Variants in ANGPTL1 observed in about 807,000 individuals in gnomAD.
The protein encoded by ANGPTL1 is angiopoietin-related protein 1.
ANGPTL1 carries 36 observed loss-of-function variants against 46.7 expected under a neutral mutation model. That is an observed-to-expected ratio of 0.77 (90% CI 0.59 to 1.02). The LOEUF (loss-of-function observed/expected upper bound fraction) is 1.02, where lower values mean the gene tolerates loss of function less well. Ranked by LOEUF, ANGPTL1 falls within the 50% of genes least tolerant of loss-of-function variation. ANGPTL1 has a pLI of 0.00. For synonymous variants in ANGPTL1, 221 were observed against 204.3 expected (o/e 1.08, Z -0.69); for missense variants, 571 against 594.7 (o/e 0.96, Z 0.41).
Position 178,865,664 on chromosome 1 carries a change from C to G in ANGPTL1, c.113G>C (p.Arg38Pro), listed in dbSNP as rs148415335. Reference protein sequence around the residue: ...IKKINQRRYPRATDGKEEAKK... With the variant: ...IKKINQRRYPPATDGKEEAKK... ...TGCTTCCTCTTTACCATCTGTGGCA[C>G]GAGGGTATCTTCTCTGGTTTATTTT... is the stretch of plus-strand genomic sequence containing the variant. Residue 38 changes from arginine to proline, a missense_variant, in exon 3 of 6, where the codon CGT (arginine) becomes CCT (proline). Transcript: ENST00000234816. 1.2e-6 allele frequency: 2 copies of G among 1,613,812 alleles called. No homozygotes were observed. The highest frequency in any genetic ancestry group is 1.7e-6 in the Non-Finnish European group (2 of 1,179,936).
chr1:178,866,379 C>G (rs923558485), intron 2 of ANGPTL1, among the ~76,000 whole-genome samples: 1 of 151,936 alleles, frequency 6.6e-6, no homozygotes, highest in African/African-American at 2.4e-5. Flanking sequence ...AAATCTAAAC[C>G]CAGATAGTTT....
chr1:178,859,100 T>C (rs1657783948), intron 3 of ANGPTL1, among the ~76,000 whole-genome samples: 1 of 151,932 alleles, frequency 6.6e-6, no homozygotes, highest in African/African-American at 2.4e-5. Context: ...AATTACTTAG[T>C]TTATTAATCT....
At chr1:178,858,170 T>G (rs1657721569) in intron 3 of ANGPTL1, among the ~76,000 whole-genome samples, 1 of 152,144 alleles carries the variant, frequency 6.6e-6, no homozygotes, top group African/African-American at 2.4e-5. Context: ...CAGAATTCAA[T>G]ATTTATTTGT....
intron 2 of ANGPTL1, 101 bp from the exon 3 acceptor site, chr1:178,865,903 ATATT>A (rs1214371741): frequency 7.4e-6 from 5 of 676,970 alleles, no homozygotes; most frequent in Middle Eastern, 3.2e-4. Flanking sequence ...GAAAAACTGA[ATATT>A]TATTGGTGTT....
intron 3 of ANGPTL1, among the ~76,000 whole-genome samples, chr1:178,856,202 GATATATATATAT>G (rs55797277): frequency 1.9e-4 from 16 of 83,910 alleles, no homozygotes; most frequent in African/African-American, 5.8e-4. Flanking sequence ...GAGAGAGAGA[GATATATATATAT>G]ATATATATAT....
rs1386024514 is a variant in ANGPTL1, at chr1:178,865,376, T to C, written c.401A>G (p.Tyr134Cys). ...RNMNSRVTQL[Y>C]MQLLHEIIRK... ...GATAATCTCATGTAATAATTGCATA[T>C]AGAGTTGAGTAACACGAGAGTTCAT... The change falls in exon 3 of 6, where the codon TAT becomes TGT. Residue 134 changes from tyrosine (Y) to cysteine (C), a missense_variant. Tyr to Cys is a radical substitution (Grantham distance 194). Coordinates refer to ENST00000234816, the MANE Select transcript of ANGPTL1 (RefSeq NM_004673.4). 1 of 1,614,084 alleles carries C rather than the reference T, an allele frequency of 6.2e-7. No individual in the cohort carries two copies. The highest frequency in any genetic ancestry group is 8.5e-7 in the Non-Finnish European group (1 of 1,180,000).
rs767252550 is a variant in ANGPTL1, at chr1:178,852,863, C to T, written c.1108G>A (p.Glu370Lys). The change falls in exon 5 of 6, where the codon GAA becomes AAA. Residue 370 changes from glutamate (E) to lysine (K), a missense_variant. Coordinates refer to ENST00000234816, the MANE Select transcript of ANGPTL1 (RefSeq NM_004673.4). ...TTTTTATCACTCCAGTCTTCTAATT[C>T]AATCAATAACTTGTAATTATCTTGA... ...SNQDNYKLLI[E>K]LEDWSDKKVY... 6.2e-7 allele frequency: 1 copy of T among 1,613,892 alleles called. No homozygotes were observed. The highest frequency in any genetic ancestry group is 8.5e-7 in the Non-Finnish European group (1 of 1,179,832).
rs190532007 is a variant in ANGPTL1, at chr1:178,851,123, C to T, written c.*6G>A. 4.4e-6 allele frequency: 7 copies of T among 1,608,896 alleles called. No homozygotes were observed. In the East Asian group the frequency reaches 1.6e-4, roughly 36 times the overall value. On this transcript the variant is annotated 3_prime_UTR_variant, in exon 6 of 6. Transcript: ENST00000234816. ...CTGTGTCATTTAAATTGGCGAGTGTCTCTCTTCAGTCAATAGGCTTGATCA... is the reference window on the plus strand; with the variant it reads ...CTGTGTCATTTAAATTGGCGAGTGTTTCTCTTCAGTCAATAGGCTTGATCA...
chr1:178,863,483 A>G (rs569692418), intron 3 of ANGPTL1, among the ~76,000 whole-genome samples: 1 of 152,386 alleles, frequency 6.6e-6, no homozygotes, highest in Non-Finnish European at 1.5e-5. Context: ...GTTTGTTTGA[A>G]TCTAGGAAGT....
At position 178,867,169 on chromosome 1, in the gene ANGPTL1, G is replaced by A. The variant is rs79390024; in HGVS notation, c.-26-1367C>T. 6.0e-3 allele frequency among the ~76,000 whole-genome samples: 913 copies of A among 152,228 alleles called. 15 individuals are homozygous for A. Among genetic ancestry groups the A allele is most frequent in the African/African-American group, 0.021 (882 of 41,554 alleles). ...TGTTGTTAATAACAACACAATAACA[G>A]TAATTAATATTTATTGAGTGCTTGT... On this transcript the variant is annotated intron_variant, in intron 2 of 5. Coordinates refer to ENST00000234816, the MANE Select transcript of ANGPTL1 (RefSeq NM_004673.4).
chr1:178,860,571 AT>A (rs911074694), intron 3 of ANGPTL1, among the ~76,000 whole-genome samples: 9 of 152,264 alleles, frequency 5.9e-5, no homozygotes, highest in African/African-American at 2.2e-4. Flanking sequence ...AACTGTAACT[AT>A]TAAATAACCA....
chr1:178,850,889 T>C lies in ANGPTL1; in HGVS notation c.*240A>G, dbSNP rs1657129214. ...ATATTTACATTTTAGAAAACAAACT[T>C]TGTATTTAGTCAACATAATTTTTAA... On this transcript the variant is annotated 3_prime_UTR_variant, in exon 6 of 6. Coordinates refer to ENST00000234816, the MANE Select transcript of ANGPTL1 (RefSeq NM_004673.4). 2.9e-6 allele frequency: 1 copy of C among 346,148 alleles called. No homozygotes were observed. The highest frequency in any genetic ancestry group is 5.1e-6 in the Non-Finnish European group (1 of 194,434). 21.4% of individuals were successfully genotyped at this position (346,148 alleles called of 1,614,324 possible).
Position 178,851,227 on chromosome 1 carries a change from A to G in ANGPTL1, c.1378T>C (p.Tyr460His), listed in dbSNP as rs770034835. 7.4e-6 allele frequency: 12 copies of G among 1,614,020 alleles called. No homozygotes were observed. The East Asian group carries it at 2.5e-4, about 33-fold the overall frequency. ...ATTCCATCTTGGTGCTTGCTTCTGT[A>G]ATGGCCTCCTCTGTACCATACTCCA... ...LNGVWYRGGH[Y>H]RSKHQDGIFW... The change falls in exon 6 of 6, where the codon TAC becomes CAC. Residue 460 changes from tyrosine to histidine, a missense_variant. Transcript: ENST00000234816.
intron 3 of ANGPTL1, among the ~76,000 whole-genome samples, chr1:178,856,202 G>GAGAGATATAT (rs1428022812): frequency 3.6e-5 from 3 of 83,908 alleles, no homozygotes; most frequent in African/African-American, 1.9e-4. Flanking sequence ...GAGAGAGAGA[G>GAGAGATATAT]ATATATATAT....
In ANGPTL1 at chr1:178,865,256, T is replaced by A. The variant is rs983961629; in HGVS notation, c.521A>T (p.Glu174Val). 6.8e-6 allele frequency: 11 copies of A among 1,614,122 alleles called. No homozygotes were observed. The highest frequency in any genetic ancestry group is 9.3e-6 in the Non-Finnish European group (11 of 1,180,014). Reference sequence around the variant, plus strand: ...CAAGGAAGCGTATTTCACCTCTAGTTCCCTGTATCTTGTTGCCATCTTCAA... The same window carrying A: ...CAAGGAAGCGTATTTCACCTCTAGTACCCTGTATCTTGTTGCCATCTTCAA... ...EMLKMATRYR[E>V]LEVKYASLTD... The change falls in exon 3 of 6, where the codon GAA becomes GTA. Residue 174 changes from glutamate to valine, a missense_variant. Physicochemically the swap from Glu to Val is moderately radical, Grantham distance 121. Transcript: ENST00000234816.
chr1:178,863,745 A>G (rs1177330156), intron 3 of ANGPTL1, among the ~76,000 whole-genome samples: 4 of 152,194 alleles, frequency 2.6e-5, no homozygotes, highest in Admixed American at 2.6e-4. Context: ...AAGGCATAGA[A>G]GGAAGAAGAT....
At position 178,852,683 on chromosome 1, in the gene ANGPTL1, C is replaced by T. The variant is rs756202340; in HGVS notation, c.1288G>A (p.Gly430Arg). ...AAGAATGAAAGTTTTTCATACTTAC[C>T]TGCATACATATCTTTATCTCTGTCC... The part of the protein sequence containing the change: ...TLDRDKDMYA[G>R]NCAHFHKGGW... Residue 430 changes from glycine (G) to arginine (R), a missense_variant and splice_region_variant, in exon 5 of 6, where the codon GGA becomes AGA. By Grantham distance (125) the Gly-to-Arg change is moderately radical (BLOSUM62 -2). Coordinates refer to ENST00000234816, the MANE Select transcript of ANGPTL1 (RefSeq NM_004673.4). 1.2e-6 allele frequency: 2 copies of T among 1,610,014 alleles called. No individual in the cohort carries two copies. The highest frequency in any genetic ancestry group is 1.3e-5 in the African/African-American group (1 of 74,640).
At chr1:178,855,820 T>A (rs768562489) in intron 3 of ANGPTL1, among the ~76,000 whole-genome samples, 2 of 151,630 alleles carry the variant, frequency 1.3e-5, no homozygotes, top group Admixed American at 6.6e-5. Flanking sequence ...TTTTCTTTTT[T>A]AATTTCTTTT....
chr1:178,853,710 T>A lies in ANGPTL1; in HGVS notation c.901A>T (p.Ser301Cys), dbSNP rs754656581. The change falls in exon 4 of 6, where the codon AGC becomes TGC. Residue 301 changes from serine to cysteine, a missense_variant. Physicochemically the swap from Ser to Cys is moderately radical, Grantham distance 112 (BLOSUM62 -1). Transcript: ENST00000234816. ...SGIYMIKPEN[S>C]NGPMQLWCEN... is the part of the protein sequence containing the mutation. ...CACCATAACTGCATTGGTCCATTGCTGTTTTCAGGTTTAATCATATAAATC... is the reference window on the plus strand; with the variant it reads ...CACCATAACTGCATTGGTCCATTGCAGTTTTCAGGTTTAATCATATAAATC... 15 of 1,612,596 alleles carry A rather than the reference T, an allele frequency of 9.3e-6. No homozygotes were observed. Among genetic ancestry groups the A allele is most frequent in the Non-Finnish European group, 1.3e-5 (15 of 1,179,254 alleles).
Sources: gnomAD v4.1 joint callset for allele counts (sites outside exome capture counted in the v4.1 genomes callset) on GRCh38, gnomAD v4.1.1 for gene constraint, MANE v1.5 for transcripts, NCBI Gene and HGNC (gene_info 2026-07-23, HGNC 2026-07-21) for gene names.